The following RYR3 variants were observed in gnomAD, a reference collection of about 807,000 sequenced individuals.
The protein encoded by RYR3 is brain ryanodine receptor-calcium release channel.
In RYR3, 207 loss-of-function variants were observed where a neutral mutation model predicts 584.3. The ratio of observed to expected loss-of-function variants is 0.35; its 90% confidence interval spans 0.32 to 0.40. The LOEUF (loss-of-function observed/expected upper bound fraction) is 0.40, where lower values mean the gene tolerates loss of function less well. Among genes scored for constraint, RYR3 ranks in the 10% least tolerant of loss-of-function variants. RYR3 has a pLI of 1.00. For missense variants in RYR3, 5,616 were observed against 6,089.2 expected, an observed-to-expected ratio of 0.92 and a Z score of 2.59; for synonymous variants, 2,416 against 2,248.5, an observed-to-expected ratio of 1.07 and a Z score of -2.11.
At chr15:33,745,207 G>C (rs34355334) in intron 52 of RYR3, among the ~76,000 whole-genome samples, 49,583 of 151,954 alleles carry the variant, frequency 0.33, 8,642 homozygotes, top group South Asian at 0.53. Context: ...CTTCATCCAG[G>C]GGACCCACGA....
At chr15:33,607,390 C>T (rs918039488) in intron 18 of RYR3, among the ~76,000 whole-genome samples, 2 of 152,154 alleles carry the variant, frequency 1.3e-5, no homozygotes, top group African/African-American at 4.8e-5. Flanking sequence ...TCAGGTGGGC[C>T]TGAGCCTCCA....
intron 103 of RYR3, 150 bp downstream of exon 103, chr15:33,864,339 C>G (rs1421882362): frequency 9.7e-6 from 6 of 616,778 alleles, no homozygotes; most frequent in African/African-American, 9.3e-5. Flanking sequence ...CAATAAGAAG[C>G]CAAAGTCCTC....
chr15:33,438,334 A>G (rs756782023), intron 1 of RYR3, among the ~76,000 whole-genome samples: 5 of 152,074 alleles, frequency 3.3e-5, no homozygotes, highest in African/African-American at 4.8e-5. Flanking sequence ...CCCCCAGGCC[A>G]TGGTAACCAC....
intron 42 of RYR3, 106 bp downstream of exon 42, chr15:33,701,186 C>A (rs1428620979): frequency 4.5e-6 from 3 of 669,292 alleles, no homozygotes; most frequent in Non-Finnish European, 7.9e-6. Context: ...GTATCGTCAT[C>A]TTGGTGGGCT....
At chr15:33,704,338 C>T (rs751576443) in intron 42 of RYR3, among the ~76,000 whole-genome samples, 2 of 151,056 alleles carry the variant, frequency 1.3e-5, no homozygotes, top group African/African-American at 4.9e-5. Flanking sequence ...GTCAATATAA[C>T]TTACGGTTAA....
At chr15:33,782,374 C>T (rs1228780119) in intron 65 of RYR3, among the ~76,000 whole-genome samples, 1 of 152,124 alleles carries the variant, frequency 6.6e-6, no homozygotes, top group Non-Finnish European at 1.5e-5. Flanking sequence ...AAAATGACTC[C>T]CCACCATTGC....
chr15:33,528,103 G>A (rs564951125), intron 3 of RYR3, among the ~76,000 whole-genome samples: 2 of 152,078 alleles, frequency 1.3e-5, no homozygotes, highest in Admixed American at 6.5e-5. Flanking sequence ...TGGCTTGACC[G>A]TCCCATTTCT....
At chr15:33,337,810 G>C (rs1179973311) in intron 1 of RYR3, among the ~76,000 whole-genome samples, 1 of 151,914 alleles carries the variant, frequency 6.6e-6, no homozygotes, top group Non-Finnish European at 1.5e-5. Context: ...GTTCAAGTAT[G>C]TTCATAGTAC....
chr15:33,596,059 T>G (rs2059355050), intron 16 of RYR3, among the ~76,000 whole-genome samples: 1 of 137,326 alleles, frequency 7.3e-6, no homozygotes, highest in Non-Finnish European at 1.6e-5. Context: ...ATTATTTCTC[T>G]TTAAGTTTTT....
At chr15:33,796,171 G>A (rs1208123525) in intron 67 of RYR3, among the ~76,000 whole-genome samples, 1 of 152,136 alleles carries the variant, frequency 6.6e-6, no homozygotes, top group Non-Finnish European at 1.5e-5. Flanking sequence ...GTCTCGCTCT[G>A]TCGCCCAGGC....
chr15:33,515,003 C>CAA (rs766401569), intron 3 of RYR3, among the ~76,000 whole-genome samples: 52 of 141,624 alleles, frequency 3.7e-4, no homozygotes, highest in African/African-American at 1.2e-3. Context: ...GACTCTGTCT[C>CAA]AAAAAAAAAA....
At chr15:33,471,205 G>C (rs975501425) in intron 1 of RYR3, among the ~76,000 whole-genome samples, 1 of 152,214 alleles carries the variant, frequency 6.6e-6, no homozygotes, top group Non-Finnish European at 1.5e-5. Context: ...AGCCAGGTCA[G>C]CATGGTTGAG....
In RYR3 at chr15:33,432,404, G is replaced by C. The variant is rs141699056; in HGVS notation, c.52-41015G>C. 1.9e-4 allele frequency among the ~76,000 whole-genome samples: 29 copies of C among 152,024 alleles called. 1 individual carries two copies. The highest frequency in any genetic ancestry group is 3.4e-3 in the Middle Eastern group (1 of 294). ...CAGCCCTCACCCTGTAGCCTCATCTGTTTGGGGAAAATTTGAGGTTCCAAG... is the reference window on the plus strand; with the variant it reads ...CAGCCCTCACCCTGTAGCCTCATCTCTTTGGGGAAAATTTGAGGTTCCAAG... On this transcript the variant is annotated intron_variant, in intron 1 of 103. Transcript: ENST00000634891.
chr15:33,859,505 A>G, intron 99 of RYR3, 70 bp from the exon 100 acceptor site: 1 of 1,557,678 alleles, frequency 6.4e-7, no homozygotes, highest in Non-Finnish European at 8.8e-7. Context: ...AATCATATGA[A>G]TGATCTGAGC....
chr15:33,736,788 ACC>A (rs72258804), intron 49 of RYR3, among the ~76,000 whole-genome samples: 61,830 of 151,670 alleles, frequency 0.41, 12,993 homozygotes, highest in Admixed American at 0.49. Context: ...TTGCTCTGTC[ACC>A]CAGGCTGAAG....
At position 33,606,702 on chromosome 15, in the gene RYR3, A is replaced by G. The variant is rs1290351072; in HGVS notation, c.2164+3338A>G. On this transcript the variant is annotated intron_variant, in intron 18 of 103. Coordinates refer to ENST00000634891, the MANE Select transcript of RYR3 (RefSeq NM_001036.6). ...TGATGGTCTCACTTTCCCTCTCTGG[A>G]TGGAGACTCAATGGGGCTTTCAGGA... is the stretch of plus-strand genomic sequence containing the variant. Among the ~76,000 whole-genome samples the G allele has an allele frequency of 3.9e-5, 6 of 152,158 alleles. No homozygotes were observed. The South Asian group carries it at 1.0e-3, about 26-fold the overall frequency.
chr15:33,525,239 A>T (rs546864161), intron 3 of RYR3, among the ~76,000 whole-genome samples: 1 of 152,286 alleles, frequency 6.6e-6, no homozygotes, highest in South Asian at 2.1e-4. Context: ...CTGCTTTGTC[A>T]TATGCTACAC....
At chr15:33,694,221 T>A (rs932230760) in intron 38 of RYR3, among the ~76,000 whole-genome samples, 2 of 151,958 alleles carry the variant, frequency 1.3e-5, no homozygotes, top group African/African-American at 4.8e-5. Flanking sequence ...TTTGCTTTTT[T>A]CTGTACAAAT....
At chr15:33,645,433 C>A (rs1232975277) in intron 28 of RYR3, among the ~76,000 whole-genome samples, 2 of 152,152 alleles carry the variant, frequency 1.3e-5, no homozygotes, top group Non-Finnish European at 2.9e-5. Flanking sequence ...CTCATCCTCC[C>A]ATCTGAATTC....
Sources: gnomAD v4.1 joint callset for allele counts (sites outside exome capture counted in the v4.1 genomes callset) on GRCh38, gnomAD v4.1.1 for gene constraint, MANE v1.5 for transcripts, NCBI Gene and HGNC (gene_info 2026-07-23, HGNC 2026-07-21) for gene names.